The following BANP variants were observed in gnomAD, a reference collection of about 807,000 sequenced individuals.
The protein encoded by BANP is BTG3 associated nuclear protein, also known as protein BANP.
BANP carries 11 observed loss-of-function variants against 68.1 expected under a neutral mutation model. The ratio of observed to expected loss-of-function variants is 0.16; its 90% CI spans 0.10 to 0.27. The LOEUF (loss-of-function observed/expected upper bound fraction) is 0.27, where lower values mean the gene tolerates loss of function less well. Among genes scored for constraint, BANP ranks in the 10% least tolerant of loss-of-function variants. The pLI, the probability that BANP is intolerant of heterozygous loss-of-function variation, is 1.00. For missense variants in BANP, 504 were observed against 722.7 expected, an observed-to-expected ratio of 0.70 and a Z score of 3.47; for synonymous variants, 329 against 303.2, an observed-to-expected ratio of 1.09 and a Z score of -0.88.
intron 4 of BANP, among the ~76,000 whole-genome samples, chr16:87,988,254 AT>A (rs537004402): frequency 7.2e-4 from 109 of 152,144 alleles, no homozygotes; most frequent in Non-Finnish European, 1.3e-3. Context: ...GCTTCTATGG[AT>A]TATTTATTTT....
At chr16:88,044,272 G>A (rs114137032) in intron 11 of BANP, among the ~76,000 whole-genome samples, 1,885 of 152,320 alleles carry the variant, frequency 0.012, 36 homozygotes, top group African/African-American at 0.043. Context: ...CGTGGTTCTA[G>A]AACCCTCCTC....
At position 88,003,516 on chromosome 16, in the gene BANP, G is replaced by A; in HGVS notation, c.363-779G>A. On this transcript the variant is annotated intron_variant, in intron 4 of 13. Coordinates refer to ENST00000682872, the MANE Select transcript of BANP (RefSeq NM_001386991.1). This position sits in a 1 kb window ranked among gnomAD's most constrained non-coding sequence, Gnocchi z 6.1. ...ACAAAGCGGACCTTAGATATCCCTTGTGACCAGAAAGTGCTAAGGCTTAAA... is the reference window on the plus strand; with the variant it reads ...ACAAAGCGGACCTTAGATATCCCTTATGACCAGAAAGTGCTAAGGCTTAAA... 1 of 456,284 alleles carries A rather than the reference G, an allele frequency of 2.2e-6. No individual in the cohort carries two copies. The allele number at this position is 456,284 out of a possible 1,614,324, so 28.3% of individuals were successfully genotyped here. A position where few individuals can be genotyped will look rare whatever the true frequency, so the allele number is the denominator to read the frequency against.
intron 3 of BANP, 90 bp downstream of exon 3, chr16:87,981,217 A>T: frequency 6.3e-6 from 6 of 958,964 alleles, no homozygotes; most frequent in African/African-American, 1.6e-5. Context: ...ATGGCTTCAA[A>T]ATGTAGCCTC....
At chr16:87,951,738 C>T (rs1024205639) in intron 1 of BANP, among the ~76,000 whole-genome samples, 11 of 151,190 alleles carry the variant, frequency 7.3e-5, no homozygotes, top group African/African-American at 2.4e-4. Context: ...CGCTTCCGCA[C>T]CCCCGGCCCC....
chr16:88,052,226 T>C (rs1407320644), intron 11 of BANP, among the ~76,000 whole-genome samples: 3 of 152,206 alleles, frequency 2.0e-5, no homozygotes, highest in African/African-American at 7.2e-5. Context: ...ATATGGACAT[T>C]CCCTGGCATA....
intron 7 of BANP, among the ~76,000 whole-genome samples, chr16:88,020,380 C>T (rs2075778824): frequency 6.6e-6 from 1 of 152,244 alleles, no homozygotes; most frequent in African/African-American, 2.4e-5. Flanking sequence ...CATCTGCGCA[C>T]CAGACCACGT....
At chr16:88,014,965 T>G (rs867843133) in intron 6 of BANP, among the ~76,000 whole-genome samples, 51 of 152,172 alleles carry the variant, frequency 3.4e-4, no homozygotes, top group Middle Eastern at 6.8e-3. Flanking sequence ...TATTCCTGGA[T>G]TACTGAGCAG....
intron 11 of BANP, among the ~76,000 whole-genome samples, chr16:88,044,554 A>G (rs1298644795): frequency 6.6e-6 from 1 of 152,190 alleles, no homozygotes; most frequent in Non-Finnish European, 1.5e-5. Flanking sequence ...TGCAACCCAC[A>G]CTTTGAAAAA....
At position 88,004,503 on chromosome 16, in the gene BANP, G is replaced by A; in HGVS notation, c.479+92G>A. Reference sequence around the variant, plus strand: ...CGTCCCTAAGCCAGGGCACAGTCCAGCACACGCTTCATCTCTGTGGTCACA... The same window carrying A: ...CGTCCCTAAGCCAGGGCACAGTCCAACACACGCTTCATCTCTGTGGTCACA... On this transcript the variant is annotated intron_variant, in intron 5 of 13. Coordinates refer to ENST00000682872, the MANE Select transcript of BANP (RefSeq NM_001386991.1). This position sits in a 1 kb window ranked among gnomAD's most constrained non-coding sequence, Gnocchi z 7.0. 1.4e-6 allele frequency: 1 copy of A among 718,720 alleles called. No individual in the cohort carries two copies. 44.5% of individuals were successfully genotyped at this position (718,720 alleles called of 1,614,324 possible).
intron 1 of BANP, among the ~76,000 whole-genome samples, chr16:87,953,512 A>G (rs932398798): frequency 6.6e-6 from 1 of 152,114 alleles, no homozygotes; most frequent in Non-Finnish European, 1.5e-5. Flanking sequence ...CTAAGCTGAT[A>G]TTTTGTATTA....
chr16:87,953,896 G>A (rs897738337), intron 1 of BANP, among the ~76,000 whole-genome samples: 1 of 152,154 alleles, frequency 6.6e-6, no homozygotes, highest in Admixed American at 6.5e-5. Context: ...GTTTCCACAG[G>A]AACCTCTGGC....
At chr16:87,975,330 C>G in intron 2 of BANP, 145 bp downstream of exon 2, 1 of 792,016 alleles carries the variant, frequency 1.3e-6, no homozygotes, top group Non-Finnish European at 2.1e-6. Flanking sequence ...GAGATGTGAA[C>G]ACTGTCGGCC....
At chr16:87,963,880 G>GT (rs2059606507) in intron 1 of BANP, among the ~76,000 whole-genome samples, 1 of 152,188 alleles carries the variant, frequency 6.6e-6, no homozygotes, top group African/African-American at 2.4e-5. Flanking sequence ...GTTACAGTGG[G>GT]TTTCCTTTTA....
intron 12 of BANP, among the ~76,000 whole-genome samples, chr16:88,069,520 C>G (rs1349263859): frequency 6.6e-6 from 1 of 152,294 alleles, no homozygotes; most frequent in East Asian, 1.9e-4. Context: ...TCGTGCTGCT[C>G]CGCTATGGAC....
At position 88,013,139 on chromosome 16, in the gene BANP, C is replaced by T. The variant is rs148261680; in HGVS notation, c.656-5289C>T. 9.0e-3 allele frequency among the ~76,000 whole-genome samples: 1,375 copies of T among 152,336 alleles called. 9 individuals carry two copies. Among genetic ancestry groups the T allele is most frequent in the Middle Eastern group, 0.017 (5 of 294 alleles). On this transcript the variant is annotated intron_variant, in intron 6 of 13. Transcript: ENST00000682872. ...CTGGTTGTTAATAGGCAGGGACTCT[C>T]ATGGCCTAGAGCGTTTGCCTCCATT...
chr16:88,049,014 CCAT>C (rs1476262421), intron 11 of BANP, among the ~76,000 whole-genome samples: 1 of 152,138 alleles, frequency 6.6e-6, no homozygotes, highest in Non-Finnish European at 1.5e-5. Context: ...CACACCGTGA[CCAT>C]CATCAACACA....
rs760162940 is a variant in BANP, at chr16:88,036,773, G to A, written c.1273-1200G>A. Among the ~76,000 whole-genome samples the A allele has an allele frequency of 8.5e-5, 13 of 152,192 alleles. No homozygotes were observed. The highest frequency in any genetic ancestry group is 1.6e-4 in the Non-Finnish European group (11 of 68,026). ...GAAGGAAGCAGCAGGGCGGGGAGCA[G>A]GTAGGGGACGGTCCCAGGAGGCCAG... is the stretch of plus-strand genomic sequence containing the variant. On this transcript the variant is annotated intron_variant, in intron 10 of 13. Coordinates refer to ENST00000682872, the MANE Select transcript of BANP (RefSeq NM_001386991.1). The surrounding 1 kb of genome is among the most constrained non-coding windows in gnomAD (Gnocchi z 4.2).
chr16:87,989,710 C>T (rs113667423), intron 4 of BANP, among the ~76,000 whole-genome samples: 9 of 81,076 alleles, frequency 1.1e-4, no homozygotes, highest in East Asian at 3.4e-4. Flanking sequence ...ACAGGGTGGG[C>T]GACGGGGGAT....
At chr16:88,026,764 G>A (rs1193570819) in intron 7 of BANP, among the ~76,000 whole-genome samples, 1 of 152,180 alleles carries the variant, frequency 6.6e-6, no homozygotes, top group African/African-American at 2.4e-5. Flanking sequence ...TGTTTACCAG[G>A]GGAACAGAGT....
Sources: allele counts gnomAD v4.1 joint callset (sites outside exome capture counted in the v4.1 genomes callset), GRCh38; gene constraint gnomAD v4.1.1; non-coding constraint Gnocchi (gnomAD v3.1); transcripts MANE v1.5; gene names NCBI Gene and HGNC (gene_info 2026-07-23, HGNC 2026-07-21).